PXDNL: variants seen among roughly 807,000 people sequenced by gnomAD.
The protein encoded by PXDNL is peroxidasin like.
Under a neutral mutation model 150.8 loss-of-function variants are expected in PXDNL, and 145 were observed. The ratio of observed to expected loss-of-function variants is 0.96; its 90% CI spans 0.84 to 1.10. The LOEUF is 1.10. PXDNL is among the 50% of genes least tolerant of loss of function. PXDNL has a pLI of 0.00. For synonymous variants in PXDNL, 757 were observed against 725.7 expected (o/e 1.04, Z -0.69); for missense variants, 2,087 against 1,873.9 (o/e 1.11, Z -2.10).
intron 1 of PXDNL, among the ~76,000 whole-genome samples, chr8:51,784,006 C>A (rs1264376342): frequency 1.3e-5 from 2 of 151,446 alleles, no homozygotes; most frequent in African/African-American, 4.9e-5. Context: ...TTCTTTCCCC[C>A]AAAAAAAAAT....
intron 2 of PXDNL, among the ~76,000 whole-genome samples, chr8:51,646,307 C>T (rs762453495): frequency 6.6e-6 from 1 of 152,146 alleles, no homozygotes; most frequent in Non-Finnish European, 1.5e-5. Context: ...AGAAACCAGA[C>T]CTGCTGGCAC....
intron 15 of PXDNL, among the ~76,000 whole-genome samples, chr8:51,411,945 A>G (rs1248885206): frequency 6.6e-6 from 1 of 152,122 alleles, no homozygotes; most frequent in Non-Finnish European, 1.5e-5. Context: ...TGTCTTATAT[A>G]CTCAGTAAAA....
chr8:51,499,785 A>T lies in PXDNL; in HGVS notation c.381-15T>A. 1 of 1,589,406 alleles carries T rather than the reference A, an allele frequency of 6.3e-7. No homozygotes were observed. The highest frequency in any genetic ancestry group is 8.6e-7 in the Non-Finnish European group (1 of 1,157,800). ...AATGAATATACCTGGAAGGCAAAAA[A>T]TCAAGTTGGTTACTCCTTGTGCTGG... On this transcript the variant is annotated splice_polypyrimidine_tract_variant and intron_variant, in intron 4 of 22. Coordinates refer to ENST00000356297, the MANE Select transcript of PXDNL (RefSeq NM_144651.5).
At chr8:51,366,596 A>G (rs1586039118) in intron 19 of PXDNL, among the ~76,000 whole-genome samples, 1 of 151,812 alleles carries the variant, frequency 6.6e-6, no homozygotes, top group Non-Finnish European at 1.5e-5. Flanking sequence ...TATATAATGC[A>G]TATGCAAATA....
intron 1 of PXDNL, among the ~76,000 whole-genome samples, chr8:51,743,939 G>GGAAGGAAGGAAGGAAGGAGAGAAA (rs2036934997): frequency 3.6e-5 from 1 of 27,658 alleles, no homozygotes; most frequent in Non-Finnish European, 1.4e-4. Flanking sequence ...AAGGAAGGAA[G>GGAAGGAAGGAAGGAAGGAGAGAAA]GAGAGAAAGA....
intron 1 of PXDNL, among the ~76,000 whole-genome samples, chr8:51,711,450 T>TG: frequency 6.6e-6 from 1 of 152,354 alleles, no homozygotes; most frequent in East Asian, 1.9e-4. Flanking sequence ...AATTATCTCT[T>TG]GAACATATCA....
At chr8:51,768,423 A>G (rs1257996812) in intron 1 of PXDNL, among the ~76,000 whole-genome samples, 1 of 152,144 alleles carries the variant, frequency 6.6e-6, no homozygotes, top group Non-Finnish European at 1.5e-5. Flanking sequence ...TTTATGTCAA[A>G]TTTGGTGACC....
rs146354588 is a variant in PXDNL, at chr8:51,617,398, C to G, written c.237-24700G>C. On this transcript the variant is annotated intron_variant, in intron 2 of 22. Transcript: ENST00000356297. ...CTCTGCCAATTGTTTGAATTAACTT[C>G]AAATTAGAATTGCATTCTTCAAGTA... is the stretch of plus-strand genomic sequence containing the variant. 3.6e-3 allele frequency among the ~76,000 whole-genome samples: 545 copies of G among 152,310 alleles called. 3 individuals are homozygous for G. Among genetic ancestry groups the G allele is most frequent in the Non-Finnish European group, 5.5e-3 (374 of 68,022 alleles).
intron 17 of PXDNL, among the ~76,000 whole-genome samples, chr8:51,403,462 C>T (rs924805444): frequency 6.6e-6 from 1 of 152,162 alleles, no homozygotes; most frequent in African/African-American, 2.4e-5. Context: ...TACAATTCCA[C>T]TTAGAAAAAA....
Position 51,447,040 on chromosome 8 carries a change from T to C in PXDNL, c.1489A>G (p.Lys497Glu), listed in dbSNP as rs1809691962. 1.2e-6 allele frequency: 2 copies of C among 1,613,998 alleles called. No individual in the cohort carries two copies. The highest frequency in any genetic ancestry group is 1.7e-6 in the Non-Finnish European group (2 of 1,179,890). ...ECQAVSSLGV[K>E]KVSVQLTVKP... ...ACAGTCAGCTGCACAGACACCTTTT[T>C]CACCCCCAACGAACTGACTGCTTGA... Residue 497 changes from lysine to glutamate, a missense_variant, in exon 12 of 23, where the codon AAA becomes GAA. Coordinates refer to ENST00000356297, the MANE Select transcript of PXDNL (RefSeq NM_144651.5).
At chr8:51,609,417 C>T (rs561936490) in intron 2 of PXDNL, among the ~76,000 whole-genome samples, 6 of 152,248 alleles carry the variant, frequency 3.9e-5, no homozygotes, top group Admixed American at 1.3e-4. Flanking sequence ...TCCTCTATCC[C>T]GGGGTCCTTG....
At chr8:51,798,220 C>T (rs2037583188) in intron 1 of PXDNL, among the ~76,000 whole-genome samples, 1 of 152,078 alleles carries the variant, frequency 6.6e-6, no homozygotes, top group Admixed American at 6.5e-5. Flanking sequence ...AAACCCAGAA[C>T]CATAAAAACC....
At chr8:51,718,106 G>C (rs548389091) in intron 1 of PXDNL, among the ~76,000 whole-genome samples, 7 of 152,236 alleles carry the variant, frequency 4.6e-5, no homozygotes, top group African/African-American at 1.7e-4. Flanking sequence ...TGACACAGCT[G>C]CCTGAGGAGG....
In PXDNL at chr8:51,719,182, C is replaced by T. The variant is rs532918619; in HGVS notation, c.165-64422G>A. 9.4e-3 allele frequency among the ~76,000 whole-genome samples: 1,426 copies of T among 152,300 alleles called. 18 individuals are homozygous for T. The highest frequency in any genetic ancestry group is 0.028 in the African/African-American group (1,164 of 41,568). The stretch of plus-strand genomic sequence containing the variant: ...CCCAACAGCTCATTGAGAATGATGG[C>T]TGTTTTGTCGAATAGAAAAGGGGTA... On this transcript the variant is annotated intron_variant, in intron 1 of 22. Transcript: ENST00000356297.
rs34751949 is a variant in PXDNL at position 51,744,675 on chromosome 8, CAAAAAAAAAAA to C, written c.164+64495_164+64505del. ...TGGGTACTTGAGCAAGACTCCATCT[CAAAAAAAAAAA>C]AAAAAAAAAAGGAAGGAAAGAAAGA... is the stretch of plus-strand genomic sequence containing the variant. On this transcript the variant is annotated intron_variant, in intron 1 of 22. Coordinates refer to ENST00000356297, the MANE Select transcript of PXDNL (RefSeq NM_144651.5). Among the ~76,000 whole-genome samples, 266 of 38,860 alleles carry C rather than the reference CAAAAAAAAAAA, an allele frequency of 6.8e-3. 1 individual carries two copies. Among genetic ancestry groups the C allele is most frequent in the African/African-American group, 0.023 (198 of 8,488 alleles). The allele number at this position is 38,860 out of a possible 152,430, so 25.5% of individuals were successfully genotyped here. A position where few individuals can be genotyped will look rare whatever the true frequency, so the allele number is the denominator to read the frequency against.
intron 1 of PXDNL, among the ~76,000 whole-genome samples, chr8:51,706,812 T>C (rs1816388577): frequency 6.6e-6 from 1 of 152,204 alleles, no homozygotes; most frequent in South Asian, 2.1e-4. Flanking sequence ...TCCTCTTTGC[T>C]AAGAGTGTAA....
intron 19 of PXDNL, among the ~76,000 whole-genome samples, chr8:51,367,735 T>G (rs1305174860): frequency 6.6e-6 from 1 of 151,948 alleles, no homozygotes; most frequent in African/African-American, 2.4e-5. Context: ...TGAAAAAAAA[T>G]GCACGACAAT....
chr8:51,519,156 G>C (rs1811604868), intron 4 of PXDNL, among the ~76,000 whole-genome samples: 3 of 152,110 alleles, frequency 2.0e-5, no homozygotes, highest in Non-Finnish European at 4.4e-5. Flanking sequence ...GTGATGGTAG[G>C]ATAAAAAATT....
intron 4 of PXDNL, among the ~76,000 whole-genome samples, chr8:51,520,259 T>C (rs1250657093): frequency 1.3e-5 from 2 of 152,158 alleles, no homozygotes; most frequent in East Asian, 1.9e-4. Flanking sequence ...TCCCGCCCTA[T>C]CTGCCCCTCT....
Sources: allele counts gnomAD v4.1 joint callset (sites outside exome capture counted in the v4.1 genomes callset), GRCh38; gene constraint gnomAD v4.1.1; transcripts MANE v1.5; gene names NCBI Gene and HGNC (gene_info 2026-07-23, HGNC 2026-07-21).